Variants in KCNAB2 observed in about 807,000 individuals in gnomAD.
KCNAB2 encodes the protein potassium voltage-gated channel subfamily A regulatory beta subunit 2, also known as voltage-gated potassium channel subunit beta-2.
In KCNAB2, 29 loss-of-function variants were observed where a neutral mutation model predicts 63.6. The observed-to-expected ratio is 0.46, with a 90% CI of 0.34 to 0.62. KCNAB2 has a LOEUF of 0.62. KCNAB2 is among the 20% of genes least tolerant of loss of function. KCNAB2 has a pLI of 0.01. For missense variants in KCNAB2, 359 were observed against 563.9 expected (o/e 0.64, Z 3.68); for synonymous variants, 222 against 224.2 (o/e 0.99, Z 0.09).
At chr1:6,045,571 C>G (rs1660846797), upstream of KCNAB2, among the ~76,000 whole-genome samples, 1 of 152,134 alleles carries the variant, frequency 6.6e-6, no homozygotes, top group African/African-American at 2.4e-5. This position sits in a 1 kb window ranked among gnomAD's most constrained non-coding sequence, Gnocchi z 4.8. Flanking sequence ...GGGTGTATCC[C>G]CAGAGGACAG....
At chr1:6,041,936 T>C, upstream of KCNAB2, 5 of 1,440,712 alleles carry the variant, frequency 3.5e-6, no homozygotes, top group Non-Finnish European at 4.9e-6. Flanking sequence ...GTGGGAGGAC[T>C]GCACCCTTGC....
At chr1:6,044,011 C>T (rs1174469006), upstream of KCNAB2, among the ~76,000 whole-genome samples, 1 of 152,228 alleles carries the variant, frequency 6.6e-6, no homozygotes, top group Non-Finnish European at 1.5e-5. Flanking sequence ...CTACCCCAGG[C>T]ATGTCCTTCC....
rs769773853 is a variant in KCNAB2 at position 6,074,316 on chromosome 1, A to G, written c.300+546A>G. Among the ~76,000 whole-genome samples, 96 of 152,328 alleles carry G rather than the reference A, an allele frequency of 6.3e-4. No homozygotes were observed. Among genetic ancestry groups the G allele is most frequent in the Non-Finnish European group, 1.1e-3 (75 of 68,034 alleles). The stretch of plus-strand genomic sequence containing the variant: ...ATTTGCTGGGGCTCATGTCCCCACA[A>G]TTGGAACAAGAAAGTGAACACTAAC... On this transcript the variant is annotated intron_variant, in intron 4 of 15. Coordinates refer to ENST00000378083, the MANE Select transcript of KCNAB2 (RefSeq NM_001199862.2). This position sits in a 1 kb window ranked among gnomAD's most constrained non-coding sequence, Gnocchi z 4.9.
At chr1:6,041,949 A>T, upstream of KCNAB2, 1 of 1,308,232 alleles carries the variant, frequency 7.6e-7, no homozygotes, top group Non-Finnish European at 1.1e-6. Flanking sequence ...ACCCTTGCCG[A>T]GCAGGGTGTG....
chr1:6,011,295 ACAGG>A (rs1658130832), intron 1 of KCNAB2, among the ~76,000 whole-genome samples: 1 of 145,416 alleles, frequency 6.9e-6, no homozygotes, highest in South Asian at 2.2e-4. Context: ...TGTGCGGGAG[ACAGG>A]CAGGCGGCTG....
At chr1:6,019,281 G>A (rs551984926) in intron 1 of KCNAB2, among the ~76,000 whole-genome samples, 1 of 152,258 alleles carries the variant, frequency 6.6e-6, no homozygotes, top group South Asian at 2.1e-4. Context: ...AACAGAGTAA[G>A]TTCCCTTCTC....
chr1:6,062,647 CTAGCTTCA>C (rs1662416015), intron 2 of KCNAB2, among the ~76,000 whole-genome samples: 1 of 152,118 alleles, frequency 6.6e-6, no homozygotes, highest in Non-Finnish European at 1.5e-5. Flanking sequence ...TGCTGGGGGC[CTAGCTTCA>C]TAGCGCACAC....
At chr1:6,021,668 G>A (rs1570878462) in intron 1 of KCNAB2, among the ~76,000 whole-genome samples, 1 of 151,770 alleles carries the variant, frequency 6.6e-6, no homozygotes, top group African/African-American at 2.4e-5. Context: ...GGTATTGAGG[G>A]TAAAGTGCAG....
chr1:6,051,696 C>T lies in KCNAB2; in HGVS notation c.160C>T (p.Arg54Cys), dbSNP rs747385145. The stretch of plus-strand genomic sequence containing the variant: ...GGCCAGGAACATGGAGAGCTTCCTC[C>T]GCATGCACGGCCTTTCCCTGGACGG... ...AQARNMESFLRMHGLSLDGCT... is the reference protein window; with the variant it reads ...AQARNMESFLCMHGLSLDGCT... The change falls in exon 2 of 16, where the codon CGC (arginine) becomes TGC (cysteine). Residue 54 changes from arginine to cysteine, a missense_variant. Physicochemically the swap from Arg to Cys is radical, Grantham distance 180. Transcript: ENST00000378083. 1.1e-5 allele frequency: 17 copies of T among 1,533,706 alleles called. No individual in the cohort carries two copies. The highest frequency in any genetic ancestry group is 2.4e-5 in the East Asian group (1 of 40,934).
chr1:6,005,544 C>T (rs528500672), intron 1 of KCNAB2, among the ~76,000 whole-genome samples: 10 of 150,372 alleles, frequency 6.7e-5, no homozygotes, highest in South Asian at 2.1e-4. Context: ...GACTGAGGGT[C>T]CCCCCTACCC....
At chr1:6,098,334 T>G (rs1320680760) in intron 15 of KCNAB2, 151 bp from the exon 16 acceptor site, 2 of 1,447,384 alleles carry the variant, frequency 1.4e-6, no homozygotes, top group East Asian at 5.0e-5. Context: ...AAAAGCAGCG[T>G]GGCCTCCATC....
Position 6,098,664 on chromosome 1 carries a change from T to C in KCNAB2, c.*90T>C, listed in dbSNP as rs1477533644. The C allele has an allele frequency of 1.3e-6, 2 of 1,494,058 alleles. No homozygotes were observed. Among genetic ancestry groups the C allele is most frequent in the Admixed American group, 4.2e-5 (2 of 47,734 alleles). 92.6% of individuals were successfully genotyped at this position (1,494,058 alleles called of 1,614,324 possible). The stretch of plus-strand genomic sequence containing the variant: ...CTGTTTTGAAGCCAAGTGAAGAGTG[T>C]GGTTTGCATCCAAGAGAAAACACCA... On this transcript the variant is annotated 3_prime_UTR_variant, in exon 16 of 16. Coordinates refer to ENST00000378083, the MANE Select transcript of KCNAB2 (RefSeq NM_001199862.2).
intron 4 of KCNAB2, among the ~76,000 whole-genome samples, chr1:6,077,870 C>T (rs372710789): frequency 6.2e-4 from 95 of 152,302 alleles, no homozygotes; most frequent in Non-Finnish European, 9.7e-4. Flanking sequence ...CTCCAGTGGT[C>T]GAACAGCATG....
chr1:6,082,739 G>T (rs923043224), intron 5 of KCNAB2, among the ~76,000 whole-genome samples: 1 of 152,202 alleles, frequency 6.6e-6, no homozygotes, highest in South Asian at 2.1e-4. Flanking sequence ...GCCTTCTTCA[G>T]CCAGGCTGTT....
intron 4 of KCNAB2, 88 bp from the exon 5 acceptor site, chr1:6,082,107 G>T: frequency 8.8e-7 from 1 of 1,135,156 alleles, no homozygotes; most frequent in Non-Finnish European, 1.3e-6. Flanking sequence ...CTGGACACGG[G>T]GAGGCCTCCC....
In KCNAB2 at chr1:6,100,823, G is replaced by A. The variant is rs45600734; in HGVS notation, c.*2249G>A. 0.012 allele frequency: 1,794 copies of A among 152,372 alleles called. 26 individuals are homozygous for A. The highest frequency in any genetic ancestry group is 0.033 in the African/African-American group (1,377 of 41,566). 9.4% of individuals were successfully genotyped at this position (152,372 alleles called of 1,614,324 possible). A position where few individuals can be genotyped will look rare whatever the true frequency, so the allele number is the denominator to read the frequency against. On this transcript the variant is annotated 3_prime_UTR_variant, in exon 16 of 16. Coordinates refer to ENST00000378083, the MANE Select transcript of KCNAB2 (RefSeq NM_001199862.2). ...GTCCCCCCTCTCGGGAGGAGGTATTGGGTAGGACCATCCAAGAAAGGGCAG... is the reference window on the plus strand; with the variant it reads ...GTCCCCCCTCTCGGGAGGAGGTATTAGGTAGGACCATCCAAGAAAGGGCAG...
rs1463242743 is a variant in KCNAB2 at position 6,089,079 on chromosome 1, C to A, written c.514+28C>A. On this transcript the variant is annotated intron_variant, in intron 8 of 15. Coordinates refer to ENST00000378083, the MANE Select transcript of KCNAB2 (RefSeq NM_001199862.2). Reference sequence around the variant, plus strand: ...GAGGACGCGCTCGGGCACCTCAGGGCCCCCATACCTGTGGGATCATCCTCG... The same window carrying A: ...GAGGACGCGCTCGGGCACCTCAGGGACCCCATACCTGTGGGATCATCCTCG... 2 of 1,545,010 alleles carry A rather than the reference C, an allele frequency of 1.3e-6. 1 individual carries two copies. The highest frequency in any genetic ancestry group is 2.4e-5 in the South Asian group (2 of 83,770).
intron 1 of KCNAB2, among the ~76,000 whole-genome samples, chr1:6,015,565 T>TAGC (rs1211176114): frequency 6.6e-6 from 1 of 152,250 alleles, no homozygotes; most frequent in Admixed American, 6.5e-5. Flanking sequence ...TTCCCTGCCA[T>TAGC]AGCTGCGTAA....
At chr1:6,066,716 C>G (rs1045213643) in intron 2 of KCNAB2, among the ~76,000 whole-genome samples, 9 of 152,328 alleles carry the variant, frequency 5.9e-5, no homozygotes, top group African/African-American at 2.2e-4. Flanking sequence ...GCCACCATGA[C>G]AAACATCCGT....
Sources: allele counts gnomAD v4.1 joint callset (sites outside exome capture counted in the v4.1 genomes callset), GRCh38; gene constraint gnomAD v4.1.1; non-coding constraint Gnocchi (gnomAD v3.1); transcripts MANE v1.5; gene names NCBI Gene and HGNC (gene_info 2026-07-23, HGNC 2026-07-21).